Variants in ZNF836 observed in about 807,000 individuals in gnomAD.
ZNF836 encodes the protein zinc finger protein 836.
A neutral mutation model predicts 7.4 loss-of-function variants in ZNF836; 12 were observed. The ratio of observed to expected loss-of-function variants is 1.61; its 90% confidence interval spans 1.03 to 2.61. The LOEUF (loss-of-function observed/expected upper bound fraction) is 2.61, where lower values mean the gene tolerates loss of function less well. Ranked by LOEUF, ZNF836 falls within the 30% of genes most tolerant of loss-of-function variation. The pLI, the probability that ZNF836 is intolerant of heterozygous loss-of-function variation, is 0.00. For missense variants in ZNF836, 998 were observed against 1,126.2 expected (o/e 0.89, Z 1.63); for synonymous variants, 365 against 382.6 (o/e 0.95, Z 0.54).
intron 3 of ZNF836, among the ~76,000 whole-genome samples, chr19:52,165,922 C>A (rs188395474): frequency 5.9e-5 from 9 of 152,208 alleles, no homozygotes; most frequent in African/African-American, 2.2e-4. Context: ...TTTTTTACTG[C>A]ATTCTAGCAG....
intron 3 of ZNF836, among the ~76,000 whole-genome samples, chr19:52,166,981 A>G (rs2089270667): frequency 6.6e-6 from 1 of 151,928 alleles, no homozygotes; most frequent in South Asian, 2.1e-4. Flanking sequence ...ATGTTCAGTA[A>G]TAACTGGTGG....
At position 52,161,406 on chromosome 19, in the gene ZNF836, C is replaced by T. The variant is rs1340810037; in HGVS notation, c.16-815G>A. On this transcript the variant is annotated intron_variant, in intron 3 of 4. Coordinates refer to ENST00000682614, the MANE Select transcript of ZNF836 (RefSeq NM_001102657.3). The surrounding 1 kb of genome is among the most constrained non-coding windows in gnomAD (Gnocchi z 4.1). Reference sequence around the variant, plus strand: ...CTGATGTCTGGTGAGAGATGATCCTCGCTTCCAAGATGGTCTTGTTGCTGC... The same window carrying T: ...CTGATGTCTGGTGAGAGATGATCCTTGCTTCCAAGATGGTCTTGTTGCTGC... Among the ~76,000 whole-genome samples the T allele has an allele frequency of 2.0e-5, 3 of 152,006 alleles. No individual in the cohort carries two copies. Among genetic ancestry groups the T allele is most frequent in the African/African-American group, 4.8e-5 (2 of 41,350 alleles).
At chr19:52,168,466 T>C (rs1194808785) in intron 2 of ZNF836, among the ~76,000 whole-genome samples, 62 of 152,096 alleles carry the variant, frequency 4.1e-4, no homozygotes, top group Admixed American at 3.9e-3. Context: ...CATGCACCTG[T>C]AGTCCCAGCT....
chr19:52,164,193 A>G (rs1026461766), intron 3 of ZNF836, among the ~76,000 whole-genome samples: 1 of 152,068 alleles, frequency 6.6e-6, no homozygotes, highest in Non-Finnish European at 1.5e-5. Flanking sequence ...GGAGTTTGAG[A>G]CCAGCATGGC....
intron 1 of ZNF836, among the ~76,000 whole-genome samples, chr19:52,170,109 C>T (rs948381811): frequency 1.3e-5 from 2 of 150,022 alleles, no homozygotes; most frequent in African/African-American, 5.1e-5. Flanking sequence ...ATCAACTCAT[C>T]GCTCATCTGG....
chr19:52,171,106 C>A (rs1159421236), intron 1 of ZNF836: 1 of 152,238 alleles, frequency 6.6e-6, no homozygotes, highest in African/African-American at 2.4e-5. Flanking sequence ...GGCGGGCGCT[C>A]CCCTCCAGGG....
intron 3 of ZNF836, among the ~76,000 whole-genome samples, chr19:52,163,868 C>G (rs906562759): frequency 2.0e-5 from 3 of 152,056 alleles, no homozygotes; most frequent in Non-Finnish European, 2.9e-5. Flanking sequence ...AACCAGCAAA[C>G]CTCTTCAATT....
chr19:52,160,295 G>T, intron 4 of ZNF836, 170 bp downstream of exon 4: 1 of 724,084 alleles, frequency 1.4e-6, no homozygotes, highest in Non-Finnish European at 2.3e-6. Flanking sequence ...GGGATAGTGT[G>T]ATGATATGGG....
chr19:52,168,218 G>A, intron 2 of ZNF836, 66 bp from the exon 3 acceptor site: 1 of 1,063,130 alleles, frequency 9.4e-7, no homozygotes, highest in Admixed American at 2.3e-5. Context: ...CTACAACCAT[G>A]CCCACAGGGA....
rs767525448 is a variant in ZNF836, at chr19:52,156,324, T to C, written c.1359A>G (p.Gln453=). The C allele has an allele frequency of 1.9e-6, 3 of 1,614,018 alleles. No homozygotes were observed. Among genetic ancestry groups the C allele is most frequent in the African/African-American group, 2.7e-5 (2 of 74,910 alleles). ...TCDVCDKVFS[Q]RSQLARHQRS... Reference sequence around the variant, plus strand: ...TCTGGTGCCTTGCAAGTTGTGAACGTTGACTGAAGACCTTGTCGCATACAT... The same window carrying C: ...TCTGGTGCCTTGCAAGTTGTGAACGCTGACTGAAGACCTTGTCGCATACAT... Residue 453 remains glutamine (Q), a synonymous_variant, in exon 5 of 5, where the codon CAA becomes CAG. Coordinates refer to ENST00000682614, the MANE Select transcript of ZNF836 (RefSeq NM_001102657.3).
rs1568568212 is a variant in ZNF836 at position 52,154,895 on chromosome 19, G to T, written c.2788C>A (p.Leu930Ile). 2.6e-6 allele frequency: 4 copies of T among 1,523,244 alleles called. No homozygotes were observed. Among genetic ancestry groups the T allele is most frequent in the Non-Finnish European group, 3.5e-6 (4 of 1,138,310 alleles). The allele number at this position is 1,523,244 out of a possible 1,614,324, so 94.4% of individuals were successfully genotyped here. ...AATTATTTGAACCCAGAAGTTAGGA[G>T]AACATCTAAAGGCTTTTCCACATTG... Reference protein sequence around the residue: ...KFNVEKPLDVLLTSGFK With the variant: ...KFNVEKPLDVILTSGFK Residue 930 changes from leucine (L) to isoleucine (I), a missense_variant, in exon 5 of 5, where the codon CTC (leucine) becomes ATC (isoleucine). Coordinates refer to ENST00000682614, the MANE Select transcript of ZNF836 (RefSeq NM_001102657.3).
chr19:52,169,388 T>C (rs1600145517), intron 2 of ZNF836, among the ~76,000 whole-genome samples: 2 of 152,266 alleles, frequency 1.3e-5, no homozygotes, highest in East Asian at 3.9e-4. Context: ...AAGACCAGCC[T>C]GACCAACATG....
chr19:52,168,160 T>A lies in ZNF836; in HGVS notation c.-80-8A>T. 1 of 1,539,422 alleles carries A rather than the reference T, an allele frequency of 6.5e-7. No individual in the cohort carries two copies. Among genetic ancestry groups the A allele is most frequent in the Non-Finnish European group, 8.8e-7 (1 of 1,139,240 alleles). On this transcript the variant is annotated splice_polypyrimidine_tract_variant and splice_region_variant and intron_variant, in intron 2 of 4. Coordinates refer to ENST00000682614, the MANE Select transcript of ZNF836 (RefSeq NM_001102657.3). ...ATTCTTTACAAGTCAAATCTGAAAG[T>A]GAAAAATCTGTTGTTTAATGCTTGG...
chr19:52,155,772 C>A lies in ZNF836; in HGVS notation c.1911G>T (p.Pro637=), dbSNP rs773341616. Residue 637 remains proline, a synonymous_variant, in exon 5 of 5, where the codon CCG becomes CCT. Transcript: ENST00000682614. Reference sequence around the variant, plus strand: ...CCTTGCCGCATTCGTTACATTGAAACGGCTTCTCTCCAGTATGAATTCTCT... The same window carrying A: ...CCTTGCCGCATTCGTTACATTGAAAAGGCTTCTCTCCAGTATGAATTCTCT... ...NHKRIHTGEK[P]FQCNECGKVF... 2.5e-6 allele frequency: 4 copies of A among 1,613,636 alleles called. No individual in the cohort carries two copies. The highest frequency in any genetic ancestry group is 1.1e-5 in the South Asian group (1 of 91,044).
At chr19:52,168,263 CA>C (rs1272575411) in intron 2 of ZNF836, 111 bp from the exon 3 acceptor site, 2 of 623,036 alleles carry the variant, frequency 3.2e-6, no homozygotes, top group Non-Finnish European at 5.4e-6. Flanking sequence ...CCCACTGCAC[CA>C]GGGGGATGCA....
Position 52,154,772 on chromosome 19 carries a change from C to A in ZNF836, c.*100G>T, listed in dbSNP as rs370220407. 2 of 1,102,522 alleles carry A rather than the reference C, an allele frequency of 1.8e-6. No homozygotes were observed. Among genetic ancestry groups the A allele is most frequent in the African/African-American group, 1.6e-5 (1 of 63,040 alleles). The allele number at this position is 1,102,522 out of a possible 1,614,324, so 68.3% of individuals were successfully genotyped here. On this transcript the variant is annotated 3_prime_UTR_variant, in exon 5 of 5. Transcript: ENST00000682614. Reference sequence around the variant, plus strand: ...GAGAAATCCACCCCTGTGATCCAATCATCTCCCACCAGGCCCCACCTCCAA... The same window carrying A: ...GAGAAATCCACCCCTGTGATCCAATAATCTCCCACCAGGCCCCACCTCCAA...
chr19:52,155,863 T>C lies in ZNF836; in HGVS notation c.1820A>G (p.Gln607Arg), dbSNP rs1410837684. The change falls in exon 5 of 5, where the codon CAG (glutamine) becomes CGG (arginine). Residue 607 changes from glutamine (Q) to arginine (R), a missense_variant. Coordinates refer to ENST00000682614, the MANE Select transcript of ZNF836 (RefSeq NM_001102657.3). ...LARHLRIHTG[Q>R]KPYKCNVCGK... The stretch of plus-strand genomic sequence containing the variant: ...ACACACATTACATTTGTAAGGTTTC[T>C]GCCCAGTATGAATTCTTAGATGACG... 3 of 1,613,944 alleles carry C rather than the reference T, an allele frequency of 1.9e-6. No homozygotes were observed. Among genetic ancestry groups the C allele is most frequent in the Non-Finnish European group, 2.5e-6 (3 of 1,179,914 alleles).
Position 52,155,499 on chromosome 19 carries a change from A to G in ZNF836, c.2184T>C (p.Gly728=). 3.1e-6 allele frequency: 5 copies of G among 1,613,938 alleles called. No individual in the cohort carries two copies. The highest frequency in any genetic ancestry group is 4.2e-6 in the Non-Finnish European group (5 of 1,179,888). Residue 728 remains glycine, a synonymous_variant, in exon 5 of 5, where the codon GGT becomes GGC. Transcript: ENST00000682614. ...GGCCTGTTATATGACTAAAAGTTCT[A>G]CCACAATGGCTACATTTGTGTGGTT... ...GEKPHKCSHC[G]RTFSHITGLT...
At position 52,171,478 on chromosome 19, in the gene ZNF836, T is replaced by G. The variant is rs1280311781; in HGVS notation, c.-357A>C. 6.6e-6 allele frequency: 1 copy of G among 152,248 alleles called. No homozygotes were observed. The highest frequency in any genetic ancestry group is 2.4e-5 in the African/African-American group (1 of 41,450). 9.4% of individuals were successfully genotyped at this position (152,248 alleles called of 1,614,324 possible). On this transcript the variant is annotated 5_prime_UTR_variant, in exon 1 of 5. Transcript: ENST00000682614. ...ATGTTTAGTCCAGGTAGACGGAAAC[T>G]GACGCGCAGCGCTGTGATCTTTTCC...
Sources: allele counts gnomAD v4.1 joint callset (sites outside exome capture counted in the v4.1 genomes callset), GRCh38; gene constraint gnomAD v4.1.1; non-coding constraint Gnocchi (gnomAD v3.1); transcripts MANE v1.5; gene names NCBI Gene and HGNC (gene_info 2026-07-23, HGNC 2026-07-21).